VRK2: variants seen among roughly 807,000 people sequenced by gnomAD.
VRK2 encodes the protein serine/threonine-protein kinase VRK2.
In VRK2, 60 loss-of-function variants were observed where a neutral mutation model predicts 57.6. The ratio of observed to expected loss-of-function variants is 1.04; its 90% confidence interval spans 0.85 to 1.29. The LOEUF is 1.29. VRK2 is among the 50% of genes most tolerant of loss of function. The pLI is 0.00. For missense variants in VRK2, 705 were observed against 588.1 expected, an observed-to-expected ratio of 1.20 and a Z score of -2.06; for synonymous variants, 231 against 199.2, an observed-to-expected ratio of 1.16 and a Z score of -1.35.
chr2:57,973,434 C>T (rs901233775), intron 1 of VRK2, among the ~76,000 whole-genome samples: 15 of 151,772 alleles, frequency 9.9e-5, no homozygotes. Context: ...TATGTTTACT[C>T]AAAATAGTCT....
upstream of VRK2, among the ~76,000 whole-genome samples, chr2:58,042,949 A>G (rs1178068274): frequency 6.6e-6 from 1 of 152,040 alleles, no homozygotes; most frequent in African/African-American, 2.4e-5. Context: ...GTCAGTTTTC[A>G]TCTTGAAACA....
At chr2:58,137,102 T>C (rs1408313023) in intron 10 of VRK2, among the ~76,000 whole-genome samples, 2 of 119,912 alleles carry the variant, frequency 1.7e-5, no homozygotes, top group South Asian at 5.2e-4. Context: ...ATATATCATA[T>C]ATATAACATA....
intron 2 of VRK2, among the ~76,000 whole-genome samples, chr2:58,031,601 G>C (rs1674111774): frequency 6.6e-6 from 1 of 152,052 alleles, no homozygotes; most frequent in African/African-American, 2.4e-5. Flanking sequence ...GTGTCCAGCA[G>C]ATGTAATTTC....
intron 4 of VRK2, 33 bp from the exon 5 acceptor site, chr2:58,086,306 T>C (rs773467162): frequency 1.9e-6 from 3 of 1,553,472 alleles, no homozygotes; most frequent in Admixed American, 1.9e-5. Flanking sequence ...TCAAATAACA[T>C]GAATCTTTTT....
chr2:58,057,903 C>G (rs1201909614), intron 2 of VRK2, among the ~76,000 whole-genome samples: 1 of 151,730 alleles, frequency 6.6e-6, no homozygotes, highest in Non-Finnish European at 1.5e-5. Context: ...TGCAAAGGAG[C>G]AAGAAAAGAA....
At chr2:58,119,354 A>AC (rs1466584249) in intron 7 of VRK2, among the ~76,000 whole-genome samples, 1 of 151,368 alleles carries the variant, frequency 6.6e-6, no homozygotes, top group Non-Finnish European at 1.5e-5. Flanking sequence ...AAAAAAAAAA[A>AC]AAAAATTAGC....
At chr2:58,006,230 G>T (rs1204021268) in intron 1 of VRK2, among the ~76,000 whole-genome samples, 2 of 152,204 alleles carry the variant, frequency 1.3e-5, no homozygotes, top group Non-Finnish European at 1.5e-5. Flanking sequence ...CAGGCGTATT[G>T]GCATAGAGTC....
At chr2:57,961,388 A>G (rs1426918690) in intron 1 of VRK2, among the ~76,000 whole-genome samples, 4 of 152,216 alleles carry the variant, frequency 2.6e-5, no homozygotes, top group African/African-American at 9.6e-5. Context: ...GTGATTGAAA[A>G]AAGCGAGAAC....
chr2:58,043,168 C>G, upstream of VRK2, among the ~76,000 whole-genome samples: 1 of 151,972 alleles, frequency 6.6e-6, no homozygotes, highest in Non-Finnish European at 1.5e-5. Context: ...ATATAAAAAC[C>G]AATGCTAAGT....
At chr2:57,926,825 T>C (rs1670554654) in intron 1 of VRK2, among the ~76,000 whole-genome samples, 2 of 151,942 alleles carry the variant, frequency 1.3e-5, no homozygotes, top group Non-Finnish European at 2.9e-5. Context: ...CACTCTGTGT[T>C]TTTTGATTAG....
chr2:58,076,539 T>C (rs1250012913), intron 2 of VRK2, among the ~76,000 whole-genome samples: 1 of 152,038 alleles, frequency 6.6e-6, no homozygotes, highest in Non-Finnish European at 1.5e-5. Context: ...CCATTGTAAG[T>C]TGAGGACTGT....
chr2:58,109,149 G>T (rs10496086), intron 7 of VRK2, among the ~76,000 whole-genome samples: 10,015 of 152,064 alleles, frequency 0.066, 420 homozygotes, highest in Non-Finnish European at 0.082. Context: ...AGTTCAGTTT[G>T]TCTAATTATT....
At chr2:58,093,426 AT>A in intron 7 of VRK2, among the ~76,000 whole-genome samples, 1 of 151,910 alleles carries the variant, frequency 6.6e-6, no homozygotes, top group South Asian at 2.1e-4. Flanking sequence ...GATGATGAGC[AT>A]TTTTTCATGT....
intron 1 of VRK2, among the ~76,000 whole-genome samples, chr2:57,946,971 A>T (rs1347165180): frequency 6.6e-6 from 1 of 152,210 alleles, no homozygotes; most frequent in East Asian, 1.9e-4. Context: ...AGCAGAAGAT[A>T]TGCCAAAAAA....
At chr2:57,914,548 T>G (rs1306814196) in intron 1 of VRK2, among the ~76,000 whole-genome samples, 2 of 152,084 alleles carry the variant, frequency 1.3e-5, no homozygotes, top group Admixed American at 1.3e-4. Flanking sequence ...TTTTCACACC[T>G]AGTATCATCC....
At chr2:57,919,440 G>C (rs1433988152) in intron 1 of VRK2, among the ~76,000 whole-genome samples, 1 of 152,006 alleles carries the variant, frequency 6.6e-6, no homozygotes, top group Non-Finnish European at 1.5e-5. Flanking sequence ...TAATTTCTGA[G>C]TCCTGAGGCA....
chr2:57,950,598 T>C (rs1028965213), intron 1 of VRK2, among the ~76,000 whole-genome samples: 3 of 152,240 alleles, frequency 2.0e-5, no homozygotes, highest in African/African-American at 7.2e-5. Flanking sequence ...TATAAGGAGA[T>C]TAATGTTGTC....
chr2:58,136,412 T>G (rs192863584), intron 10 of VRK2, among the ~76,000 whole-genome samples: 5 of 149,628 alleles, frequency 3.3e-5, no homozygotes. Context: ...TGAGACAGAG[T>G]CTCGCTCTGT....
intron 2 of VRK2, among the ~76,000 whole-genome samples, chr2:58,031,833 A>G (rs780557827): frequency 6.6e-6 from 1 of 152,070 alleles, no homozygotes; most frequent in South Asian, 2.1e-4. Context: ...ATTCACTCAT[A>G]CAAACGAAAA....
Sources: allele counts gnomAD v4.1 joint callset (sites outside exome capture counted in the v4.1 genomes callset), GRCh38; gene constraint gnomAD v4.1.1; transcripts MANE v1.5; gene names NCBI Gene and HGNC (gene_info 2026-07-23, HGNC 2026-07-21).